DCC: variants seen among roughly 807,000 people sequenced by gnomAD.
DCC encodes the protein netrin receptor DCC.
A neutral mutation model predicts 172.5 loss-of-function variants in DCC; 58 were observed. The ratio of observed to expected loss-of-function variants is 0.34; its 90% CI spans 0.27 to 0.42. The LOEUF (loss-of-function observed/expected upper bound fraction) is 0.42, where lower values mean the gene tolerates loss of function less well. Ranked by LOEUF, DCC falls within the 10% of genes least tolerant of loss-of-function variation. DCC has a pLI of 1.00. For missense variants in DCC, 1,740 were observed against 1,791.0 expected (o/e 0.97, Z 0.51); for synonymous variants, 709 against 644.5 (o/e 1.10, Z -1.52).
intron 1 of DCC, among the ~76,000 whole-genome samples, chr18:52,700,225 C>T (rs2036090594): frequency 6.9e-6 from 1 of 145,626 alleles, no homozygotes; most frequent in South Asian, 2.1e-4. Flanking sequence ...TGTGCACACA[C>T]ATGCACACTC....
intron 1 of DCC, among the ~76,000 whole-genome samples, chr18:52,366,038 T>TTATA (rs573504463): frequency 7.8e-4 from 119 of 152,342 alleles, no homozygotes; most frequent in Non-Finnish European, 1.3e-3. Context: ...CAACTCTATA[T>TTATA]ATTACTTGAA....
At chr18:52,700,851 A>G (rs1422903872) in intron 1 of DCC, among the ~76,000 whole-genome samples, 2 of 152,220 alleles carry the variant, frequency 1.3e-5, no homozygotes, top group African/African-American at 4.8e-5. Flanking sequence ...GTAGCTGTGT[A>G]CCTTAAAGTA....
intron 2 of DCC, among the ~76,000 whole-genome samples, chr18:52,838,478 T>C (rs893340429): frequency 1.3e-5 from 2 of 152,196 alleles, no homozygotes; most frequent in Non-Finnish European, 2.9e-5. Context: ...GGCTGTGTCT[T>C]TCCCCTAGAA....
chr18:52,934,393 C>T (rs1223215614), intron 5 of DCC, among the ~76,000 whole-genome samples: 1 of 152,080 alleles, frequency 6.6e-6, no homozygotes, highest in Admixed American at 6.6e-5. Flanking sequence ...CTACACCTTG[C>T]TGTTCATGCT....
intron 5 of DCC, among the ~76,000 whole-genome samples, chr18:52,935,661 C>G (rs1228315679): frequency 6.6e-6 from 1 of 151,968 alleles, no homozygotes; most frequent in African/African-American, 2.4e-5. Context: ...TATCCATTTG[C>G]TTGAGGTTAG....
chr18:53,141,206 G>A (rs970028179), intron 7 of DCC, among the ~76,000 whole-genome samples: 4 of 152,046 alleles, frequency 2.6e-5, no homozygotes, highest in Non-Finnish European at 4.4e-5. Flanking sequence ...AGTCCCTAGC[G>A]ACCTCTGTTT....
chr18:53,209,361 T>C (rs2055710273), intron 11 of DCC, among the ~76,000 whole-genome samples: 1 of 152,172 alleles, frequency 6.6e-6, no homozygotes, highest in Non-Finnish European at 1.5e-5. Flanking sequence ...CGATAGGCCC[T>C]TGTGAATATT....
chr18:52,489,245 T>A (rs1349906853), intron 1 of DCC, among the ~76,000 whole-genome samples: 2 of 152,086 alleles, frequency 1.3e-5, no homozygotes, highest in Non-Finnish European at 2.9e-5. Flanking sequence ...TAGTCAACTT[T>A]AGGAAAAGTA....
chr18:52,511,533 G>C (rs1462850549), intron 1 of DCC, among the ~76,000 whole-genome samples: 1 of 152,138 alleles, frequency 6.6e-6, no homozygotes, highest in Non-Finnish European at 1.5e-5. Flanking sequence ...AATTTCTACA[G>C]ATATTTTTGA....
chr18:53,004,056 G>T (rs138067214), intron 5 of DCC, among the ~76,000 whole-genome samples: 1 of 152,088 alleles, frequency 6.6e-6, no homozygotes, highest in Non-Finnish European at 1.5e-5. Context: ...TCTCATTAAC[G>T]AAATGGGACA....
At chr18:52,905,969 A>G (rs1428315162) in intron 2 of DCC, 75 bp from the exon 3 acceptor site, 1 of 1,014,550 alleles carries the variant, frequency 9.9e-7, no homozygotes, top group Non-Finnish European at 1.6e-6. Context: ...CAAAGAATAC[A>G]AAGTGATTAT....
intron 8 of DCC, among the ~76,000 whole-genome samples, chr18:53,165,456 A>G (rs2054903481): frequency 6.6e-6 from 1 of 152,114 alleles, no homozygotes; most frequent in Non-Finnish European, 1.5e-5. Context: ...GGAGCTTGTT[A>G]TCCATGAGGG....
rs559633828 is a variant in DCC at position 53,058,413 on chromosome 18, A to G, written c.986-4892A>G. Among the ~76,000 whole-genome samples, 3 of 152,238 alleles carry G rather than the reference A, an allele frequency of 2.0e-5. No homozygotes were observed. The South Asian group carries it at 6.2e-4, about 32-fold the overall frequency. ...TTTTGAGAACAGAAGTGGTATAATG[A>G]AAGTTTTCTCATAATTTTTTAAAAT... On this transcript the variant is annotated intron_variant, in intron 5 of 28. Transcript: ENST00000442544.
chr18:52,913,739 A>G (rs776820861), intron 3 of DCC, among the ~76,000 whole-genome samples: 2 of 152,020 alleles, frequency 1.3e-5, no homozygotes, highest in African/African-American at 4.8e-5. Flanking sequence ...TATGAATGTG[A>G]TATTTAACAG....
At chr18:52,769,488 G>A (rs1305930865) in intron 2 of DCC, among the ~76,000 whole-genome samples, 2 of 152,026 alleles carry the variant, frequency 1.3e-5, no homozygotes, top group South Asian at 2.1e-4. Context: ...TATCAGATAC[G>A]TCTTCTGTAA....
chr18:53,368,461 A>G (rs1400123075), intron 15 of DCC, among the ~76,000 whole-genome samples: 2 of 116,868 alleles, frequency 1.7e-5, no homozygotes, highest in African/African-American at 5.9e-5. Flanking sequence ...CAAATTGCCT[A>G]TTTTTCCTTT....
chr18:53,319,102 C>T (rs1358469323), intron 13 of DCC, among the ~76,000 whole-genome samples: 1 of 151,998 alleles, frequency 6.6e-6, no homozygotes, highest in African/African-American at 2.4e-5. Context: ...TACAAGAGCT[C>T]CTGAAGGAAG....
At chr18:52,782,442 C>T (rs1363588003) in intron 2 of DCC, among the ~76,000 whole-genome samples, 1 of 152,066 alleles carries the variant, frequency 6.6e-6, no homozygotes, top group South Asian at 2.1e-4. Context: ...CCCCCATCCT[C>T]TCATCTCCTA....
At chr18:52,507,105 C>T (rs1223559495) in intron 1 of DCC, among the ~76,000 whole-genome samples, 2 of 152,100 alleles carry the variant, frequency 1.3e-5, no homozygotes, top group Non-Finnish European at 2.9e-5. Context: ...TTTGCTAACT[C>T]AAGATAAGAT....
Sources: allele counts gnomAD v4.1 joint callset (sites outside exome capture counted in the v4.1 genomes callset), GRCh38; gene constraint gnomAD v4.1.1; transcripts MANE v1.5; gene names NCBI Gene and HGNC (gene_info 2026-07-23, HGNC 2026-07-21).